Variants in TECR observed in about 807,000 individuals in gnomAD.
TECR encodes the protein very-long-chain enoyl-CoA reductase.
Under a neutral mutation model 50.6 loss-of-function variants are expected in TECR, and 19 were observed. The ratio of observed to expected loss-of-function variants is 0.38; its 90% CI spans 0.26 to 0.55. The LOEUF (loss-of-function observed/expected upper bound fraction) is 0.55, where lower values mean the gene tolerates loss of function less well. Among genes scored for constraint, TECR ranks in the 20% least tolerant of loss-of-function variants. TECR has a pLI of 0.79. For missense variants in TECR, 313 were observed against 408.3 expected (o/e 0.77, Z 2.01); for synonymous variants, 168 against 163.5 (o/e 1.03, Z -0.21).
At chr19:14,554,998 T>C (rs1246911992) in intron 1 of TECR, among the ~76,000 whole-genome samples, 2 of 151,806 alleles carry the variant, frequency 1.3e-5, no homozygotes, top group Non-Finnish European at 2.9e-5. Context: ...TGGCTGGTCT[T>C]GATCTCTTGA....
At chr19:14,558,332 A>G (rs560616942) in intron 1 of TECR, among the ~76,000 whole-genome samples, 66 of 152,034 alleles carry the variant, frequency 4.3e-4, no homozygotes, top group Middle Eastern at 3.2e-3. Flanking sequence ...CTTCATGACC[A>G]CAAAGACAGT....
At chr19:14,556,832 G>C (rs1297399935) in intron 1 of TECR, among the ~76,000 whole-genome samples, 1 of 152,190 alleles carries the variant, frequency 6.6e-6, no homozygotes. Context: ...CCACAAGGGG[G>C]CAGTGGGGAG....
chr19:14,535,767 A>AAAAAC (rs2072877370), intron 1 of TECR, among the ~76,000 whole-genome samples: 1 of 144,886 alleles, frequency 6.9e-6, no homozygotes, highest in Non-Finnish European at 1.5e-5. Flanking sequence ...AAAAAAAAAA[A>AAAAAC]AAAAAAAAAA....
intron 1 of TECR, among the ~76,000 whole-genome samples, chr19:14,552,354 G>A (rs200078638): frequency 1.3e-5 from 2 of 149,324 alleles, no homozygotes; most frequent in East Asian, 4.0e-4. Context: ...TTTCTCTGTT[G>A]CACATAGCCC....
chr19:14,535,578 A>G (rs1283830447), intron 1 of TECR, among the ~76,000 whole-genome samples: 2 of 40,006 alleles, frequency 5.0e-5, no homozygotes, highest in South Asian at 7.2e-4. Flanking sequence ...ATATATATAT[A>G]TATATATATA....
At chr19:14,545,252 G>C (rs2073260568) in intron 1 of TECR, 1 of 455,648 alleles carries the variant, frequency 2.2e-6, no homozygotes, top group Admixed American at 2.4e-5. Context: ...AATTTACTCT[G>C]TTCCAGCCTC....
At chr19:14,549,038 A>C (rs1484463369) in intron 1 of TECR, among the ~76,000 whole-genome samples, 2 of 152,048 alleles carry the variant, frequency 1.3e-5, no homozygotes, top group Non-Finnish European at 2.9e-5. Flanking sequence ...CATCCGCTTA[A>C]AAAGGTAAAA....
At chr19:14,549,485 G>A (rs901857638) in intron 1 of TECR, among the ~76,000 whole-genome samples, 4 of 151,708 alleles carry the variant, frequency 2.6e-5, no homozygotes, top group African/African-American at 4.8e-5. Context: ...CCCCTAACCC[G>A]GCTAAGTTTT....
intron 1 of TECR, chr19:14,544,989 C>T: frequency 2.4e-6 from 1 of 409,284 alleles, no homozygotes; most frequent in Non-Finnish European, 4.9e-6. Context: ...GTGTCCTTTT[C>T]ACTCCTTCCC....
At position 14,563,171 on chromosome 19, in the gene TECR, C is replaced by A. The variant is rs1167953273; in HGVS notation, c.67-35C>A. The A allele has an allele frequency of 1.2e-6, 2 of 1,613,778 alleles. No homozygotes were observed. Among genetic ancestry groups the A allele is most frequent in the African/African-American group, 1.3e-5 (1 of 74,892 alleles). On this transcript the variant is annotated intron_variant, in intron 2 of 12. Coordinates refer to ENST00000215567, the MANE Select transcript of TECR (RefSeq NM_138501.6). This position sits in a 1 kb window ranked among gnomAD's most constrained non-coding sequence, Gnocchi z 5.3. ...CCCCATCCTGAGTCTGGGCTCCCCG[C>A]AGAGCTGACGTCCCTGCGCCTGTGC...
intron 1 of TECR, among the ~76,000 whole-genome samples, chr19:14,554,717 ACT>A (rs2073657098): frequency 6.8e-6 from 1 of 148,096 alleles, no homozygotes; most frequent in African/African-American, 2.5e-5. Context: ...CACCCACTCC[ACT>A]CTCAGGCCAC....
chr19:14,537,016 G>A (rs547238394), intron 1 of TECR, among the ~76,000 whole-genome samples: 1 of 143,744 alleles, frequency 7.0e-6, no homozygotes, highest in East Asian at 2.0e-4. Context: ...TGAGGACGGG[G>A]AGGGGTGTCG....
In TECR at chr19:14,564,209, C is replaced by T; in HGVS notation, c.411C>T (p.His137=). 6.2e-7 allele frequency: 1 copy of T among 1,608,248 alleles called. No homozygotes were observed. Among genetic ancestry groups the T allele is most frequent in the Non-Finnish European group, 8.5e-7 (1 of 1,179,842 alleles). ...VHLACICHSF[H]YIKRLLETLF... is the part of the protein sequence containing the mutation. ...TCGCCTGCATCTGTCACTCATTCCACTACATCAAGCGCCTGCTGGAGACGC... is the reference window on the plus strand; with the variant it reads ...TCGCCTGCATCTGTCACTCATTCCATTACATCAAGCGCCTGCTGGAGACGC... The change falls in exon 7 of 13, where the codon CAC becomes CAT. Residue 137 remains histidine, a synonymous_variant. Coordinates refer to ENST00000215567, the MANE Select transcript of TECR (RefSeq NM_138501.6).
At chr19:14,551,507 G>A (rs1461989951) in intron 1 of TECR, among the ~76,000 whole-genome samples, 1 of 152,166 alleles carries the variant, frequency 6.6e-6, no homozygotes, top group Non-Finnish European at 1.5e-5. Flanking sequence ...AAGCAGACAG[G>A]CAAGGCAGGT....
In TECR at chr19:14,565,819, A is replaced by G. The variant is rs2074065160; in HGVS notation, c.875A>G (p.Glu292Gly). ...AKGKHRSYLK[E>G]FRDYPPLRMP... ...GGCAAGCACCGCAGCTACCTGAAGG[A>G]GTTCCGGGACTACCCGCCCCTGCGC... The change falls in exon 13 of 13, where the codon GAG (glutamate) becomes GGG (glycine). Residue 292 changes from glutamate (E) to glycine (G), a missense_variant. Physicochemically the swap from Glu to Gly is moderately conservative, Grantham distance 98 (BLOSUM62 -2). Transcript: ENST00000215567. 1 of 1,600,974 alleles carries G rather than the reference A, an allele frequency of 6.2e-7. No homozygotes were observed. The highest frequency in any genetic ancestry group is 8.5e-7 in the Non-Finnish European group (1 of 1,174,952).
At chr19:14,550,885 T>A (rs2073476098) in intron 1 of TECR, among the ~76,000 whole-genome samples, 1 of 152,022 alleles carries the variant, frequency 6.6e-6, no homozygotes, top group South Asian at 2.1e-4. Context: ...TTAGCCAGGC[T>A]GGTGTCGAAC....
At chr19:14,560,133 C>T (rs1017215682) in intron 1 of TECR, among the ~76,000 whole-genome samples, 14 of 152,188 alleles carry the variant, frequency 9.2e-5, no homozygotes, top group African/African-American at 2.9e-4. Context: ...CCCCTCCTGC[C>T]GCAGCCCGGC....
intron 1 of TECR, among the ~76,000 whole-genome samples, chr19:14,554,349 G>A (rs2073644458): frequency 6.6e-6 from 1 of 152,178 alleles, no homozygotes; most frequent in East Asian, 1.9e-4. Flanking sequence ...AGGTTCATAA[G>A]CCATGGGAGA....
At chr19:14,564,438 G>T (rs1464791007) in intron 7 of TECR, 151 bp downstream of exon 7, 5 of 559,678 alleles carry the variant, frequency 8.9e-6, no homozygotes, top group Admixed American at 8.4e-5. Flanking sequence ...CCCCAGCCCC[G>T]CCCTCGCAGA....
Sources: allele counts gnomAD v4.1 joint callset (sites outside exome capture counted in the v4.1 genomes callset), GRCh38; gene constraint gnomAD v4.1.1; non-coding constraint Gnocchi (gnomAD v3.1); transcripts MANE v1.5; gene names NCBI Gene and HGNC (gene_info 2026-07-23, HGNC 2026-07-21).